NWD2: variants seen among roughly 807,000 people sequenced by gnomAD.
NWD2 encodes the protein NACHT and WD repeat domain-containing protein 2.
A neutral mutation model predicts 132.7 loss-of-function variants in NWD2; 37 were observed. The observed-to-expected ratio is 0.28, with a 90% CI of 0.21 to 0.37. NWD2 has a LOEUF of 0.37. Among genes scored for constraint, NWD2 ranks in the 10% least tolerant of loss-of-function variants. The pLI, the probability that NWD2 is intolerant of heterozygous loss-of-function variation, is 1.00. For missense variants in NWD2, 1,592 were observed against 2,122.4 expected (o/e 0.75, Z 4.91); for synonymous variants, 705 against 803.0 (o/e 0.88, Z 2.06).
At chr4:37,317,283 A>C (rs940416779) in intron 1 of NWD2, among the ~76,000 whole-genome samples, 2 of 152,246 alleles carry the variant, frequency 1.3e-5, no homozygotes, top group African/African-American at 4.8e-5. Flanking sequence ...AATCTTTCTT[A>C]AGTTTGTGTG....
intron 3 of NWD2, among the ~76,000 whole-genome samples, chr4:37,396,302 T>A (rs1720790718): frequency 6.6e-6 from 1 of 152,218 alleles, no homozygotes; most frequent in African/African-American, 2.4e-5. Context: ...TTCTTACTGG[T>A]GGAGTCCTCG....
intron 2 of NWD2, among the ~76,000 whole-genome samples, chr4:37,344,460 C>A (rs1167873147): frequency 6.6e-6 from 1 of 151,966 alleles, no homozygotes; most frequent in Admixed American, 6.6e-5. Context: ...AGACATGGAG[C>A]TATGAAGGCC....
intron 3 of NWD2, among the ~76,000 whole-genome samples, chr4:37,365,491 T>A (rs1435376878): frequency 2.0e-5 from 3 of 152,158 alleles, no homozygotes; most frequent in Non-Finnish European, 4.4e-5. Context: ...TTTATTTAAA[T>A]AAAAATCTAA....
At chr4:37,319,341 T>C (rs1219962871) in intron 1 of NWD2, among the ~76,000 whole-genome samples, 1 of 152,176 alleles carries the variant, frequency 6.6e-6, no homozygotes, top group Non-Finnish European at 1.5e-5. Context: ...TGCTTGTTGA[T>C]TTGTTTAAGC....
Position 37,312,841 on chromosome 4 carries a change from G to T in NWD2, c.152-13095G>T, listed in dbSNP as rs193033533. Among the ~76,000 whole-genome samples, 130 of 151,192 alleles carry T rather than the reference G, an allele frequency of 8.6e-4. 2 individuals are homozygous for T. The highest frequency in any genetic ancestry group is 5.2e-3 in the East Asian group (27 of 5,184). On this transcript the variant is annotated intron_variant, in intron 1 of 6. Transcript: ENST00000309447. ...CTTATTGAGAGTTTTTAGCATGAAG[G>T]GTTGTTGAATTTTGTCAAAGACCTT...
chr4:37,297,604 A>G (rs1316748118), intron 1 of NWD2, among the ~76,000 whole-genome samples: 3 of 152,242 alleles, frequency 2.0e-5, no homozygotes, highest in Non-Finnish European at 4.4e-5. Flanking sequence ...TGTCCCAATA[A>G]TACTGGATCA....
intron 1 of NWD2, among the ~76,000 whole-genome samples, chr4:37,245,513 T>TGCC (rs1391440505): frequency 1.3e-5 from 2 of 150,926 alleles, no homozygotes; most frequent in Non-Finnish European, 2.9e-5. Context: ...AGCTCCATTC[T>TGCC]GCCGCCGCCG....
chr4:37,245,287 G>C (rs1717212900), intron 1 of NWD2, 69 bp downstream of exon 1: 1 of 1,455,304 alleles, frequency 6.9e-7, no homozygotes, highest in African/African-American at 1.4e-5. Context: ...TGGAGAGTGT[G>C]TGTCCGCCCC....
chr4:37,286,287 A>G (rs1438930633), intron 1 of NWD2, among the ~76,000 whole-genome samples: 1 of 152,234 alleles, frequency 6.6e-6, no homozygotes, highest in Non-Finnish European at 1.5e-5. Flanking sequence ...TGAAATTCCC[A>G]AAATATCCTA....
In NWD2 at chr4:37,389,572, C is replaced by A. The variant is rs1720639795; in HGVS notation, c.357+33090C>A. Among the ~76,000 whole-genome samples, 4 of 152,074 alleles carry A rather than the reference C, an allele frequency of 2.6e-5. No homozygotes were observed. In the South Asian group the frequency reaches 8.3e-4, roughly 32 times the overall value. The stretch of plus-strand genomic sequence containing the variant: ...GAGCTTTTCATGTTAGTCGTTCTGG[C>A]GCTCAGTTTCCTCAGCTGGAAGAGA... On this transcript the variant is annotated intron_variant, in intron 3 of 6. Transcript: ENST00000309447.
intron 3 of NWD2, among the ~76,000 whole-genome samples, chr4:37,427,785 C>G (rs1330476712): frequency 1.3e-5 from 2 of 152,104 alleles, no homozygotes; most frequent in African/African-American, 4.8e-5. Context: ...TTCAGTAAAC[C>G]AGTTATATGA....
chr4:37,259,070 G>C (rs1560378857), intron 1 of NWD2, among the ~76,000 whole-genome samples: 1 of 152,178 alleles, frequency 6.6e-6, no homozygotes, highest in Non-Finnish European at 1.5e-5. Flanking sequence ...TGGCAGTGCA[G>C]ATTTCAAGGA....
At position 37,446,338 on chromosome 4, in the gene NWD2, C is replaced by T. The variant is rs946336394; in HGVS notation, c.4350C>T (p.Phe1450=). 3.2e-6 allele frequency: 5 copies of T among 1,551,768 alleles called. No individual in the cohort carries two copies. Among genetic ancestry groups the T allele is most frequent in the African/African-American group, 1.4e-5 (1 of 73,040 alleles). The change falls in exon 7 of 7, where the codon TTC becomes TTT. Residue 1450 remains phenylalanine, a synonymous_variant. Transcript: ENST00000309447. This position sits in a 1 kb window ranked among gnomAD's most constrained non-coding sequence, Gnocchi z 6.7. ...QNAFITSANT[F]VVGMTKSKVL... is the part of the protein sequence containing the mutation. ...CCTTTATTACCTCCGCAAATACCTT[C>T]GTGGTGGGAATGACTAAAAGCAAAG...
intron 2 of NWD2, among the ~76,000 whole-genome samples, chr4:37,326,459 A>T (rs1467796489): frequency 1.3e-5 from 2 of 152,074 alleles, no homozygotes; most frequent in Admixed American, 6.6e-5. Flanking sequence ...TTTTATTCAC[A>T]TTGTAGAACA....
intron 1 of NWD2, among the ~76,000 whole-genome samples, chr4:37,263,488 G>A (rs1289999063): frequency 6.6e-6 from 1 of 152,112 alleles, no homozygotes; most frequent in Non-Finnish European, 1.5e-5. Context: ...CTTTGTAGCA[G>A]GGTGACTTCT....
rs779338966 is a variant in NWD2, at chr4:37,448,611, T to C, written c.*1394T>C. On this transcript the variant is annotated 3_prime_UTR_variant, in exon 7 of 7. Transcript: ENST00000309447. ...AGGTATCCACACTTTTGGTTGAGTT[T>C]AGTTTTCTTAGAAAGTAGAGAAGTA... is the stretch of plus-strand genomic sequence containing the variant. 30 of 152,240 alleles carry C rather than the reference T, an allele frequency of 2.0e-4. No individual in the cohort carries two copies. Among genetic ancestry groups the C allele is most frequent in the Admixed American group, 8.5e-4 (13 of 15,290 alleles). The allele number at this position is 152,240 out of a possible 1,614,324, so 9.4% of individuals were successfully genotyped here.
chr4:37,414,621 A>G (rs937211181), intron 3 of NWD2, among the ~76,000 whole-genome samples: 30 of 152,188 alleles, frequency 2.0e-4, no homozygotes, highest in Admixed American at 6.5e-5. Flanking sequence ...TGGCTTGCAT[A>G]GTTTCTCATT....
chr4:37,338,016 ATC>A (rs1719444643), intron 2 of NWD2, among the ~76,000 whole-genome samples: 1 of 152,102 alleles, frequency 6.6e-6, no homozygotes, highest in Non-Finnish European at 1.5e-5. Context: ...CATTTTGAAA[ATC>A]TCTGTCTTTG....
chr4:37,422,951 A>C (rs1425428178), intron 3 of NWD2, among the ~76,000 whole-genome samples: 1 of 151,874 alleles, frequency 6.6e-6, no homozygotes, highest in Non-Finnish European at 1.5e-5. Context: ...TATGTGAAAC[A>C]CAGGCTCACT....
Sources: gnomAD v4.1 joint callset for allele counts (sites outside exome capture counted in the v4.1 genomes callset) on GRCh38, gnomAD v4.1.1 for gene constraint, Gnocchi (gnomAD v3.1) non-coding constraint, MANE v1.5 for transcripts, NCBI Gene and HGNC (gene_info 2026-07-23, HGNC 2026-07-21) for gene names.